Variants in ALG12 observed in about 807,000 individuals in gnomAD.
ALG12 encodes ALG12 alpha-1,6-mannosyltransferase.
In ALG12, 36 loss-of-function variants were observed where a neutral mutation model predicts 46.0. That is an observed-to-expected ratio of 0.78 (90% CI 0.60 to 1.03). The LOEUF (loss-of-function observed/expected upper bound fraction) is 1.03. Ranked by LOEUF, ALG12 falls within the 50% of genes least tolerant of loss-of-function variation. ALG12 has a pLI of 0.00. For synonymous variants in ALG12, 326 were observed against 291.6 expected (o/e 1.12, Z -1.20); for missense variants, 599 against 633.5 (o/e 0.95, Z 0.58).
chr22:49,895,031 G>A, the ALG12 span, among the ~76,000 whole-genome samples: 7 of 152,200 alleles, frequency 4.6e-5, 1 homozygote, highest in South Asian at 1.0e-3. Flanking sequence ...ATTGCCGCTG[G>A]GGGCAGACAG....
rs2060593109 is a variant in ALG12, at chr22:49,913,592, G to A, written c.162+12C>T. ...CATGAGGTTTTCCCCAAAGACAGCA[G>A]GGGCCCCTCACCTGCTCCAGGTCTT... On this transcript the variant is annotated intron_variant, in intron 2 of 9. Coordinates refer to ENST00000330817, the MANE Select transcript of ALG12 (RefSeq NM_024105.4). 1.9e-6 allele frequency: 3 copies of A among 1,613,950 alleles called. No individual in the cohort carries two copies. In the Admixed American group the frequency reaches 5.0e-5, roughly 27 times the overall value.
the ALG12 span, among the ~76,000 whole-genome samples, chr22:49,879,075 G>A: frequency 6.6e-6 from 1 of 150,792 alleles, no homozygotes; most frequent in African/African-American, 2.4e-5. Context: ...AACTGGGGAG[G>A]TGGAGGTTGC....
rs367831183 is a variant in ALG12 at position 49,906,816 on chromosome 22, C to T, written c.992+905G>A. Among the ~76,000 whole-genome samples, 16 of 152,226 alleles carry T rather than the reference C, an allele frequency of 1.1e-4. No homozygotes were observed. The South Asian group carries it at 3.3e-3, about 32-fold the overall frequency. ...GGGTTCTTCCGCAGCACCCACAGGG[C>T]CAGCAGTGATGGACTCTCCTGGGCC... On this transcript the variant is annotated intron_variant, in intron 7 of 9. Transcript: ENST00000330817. This position sits in a 1 kb window ranked among gnomAD's most constrained non-coding sequence, Gnocchi z 4.4.
chr22:49,902,617 CTGTG>C lies in ALG12; in HGVS notation c.*1217_*1220del, dbSNP rs1252021868. On this transcript the variant is annotated 3_prime_UTR_variant, in exon 10 of 10. Transcript: ENST00000330817. ...TATGCATGGTGTGTGCACGTGTGCA[CTGTG>C]TATGCATGGTAATGTGCACGTGTGC... 1 of 127,752 alleles carries C rather than the reference CTGTG, an allele frequency of 7.8e-6. No homozygotes were observed. Among genetic ancestry groups the C allele is most frequent in the Non-Finnish European group, 1.6e-5 (1 of 62,986 alleles). The allele number at this position is 127,752 out of a possible 1,614,324, so 7.9% of individuals were successfully genotyped here. A position where few individuals can be genotyped will look rare whatever the true frequency, so the allele number is the denominator to read the frequency against.
the ALG12 span, chr22:49,886,237 C>A: frequency 2.1e-6 from 2 of 959,422 alleles, no homozygotes; most frequent in Non-Finnish European, 3.3e-6. The surrounding 1 kb of genome is among the most constrained non-coding windows in gnomAD (Gnocchi z 7.7). Flanking sequence ...GATCTGCGAG[C>A]GGGTGCACCG....
the ALG12 span, among the ~76,000 whole-genome samples, chr22:49,879,282 G>A: frequency 6.6e-6 from 1 of 151,114 alleles, no homozygotes; most frequent in Non-Finnish European, 1.5e-5. Context: ...GCGCCACCAC[G>A]CCGCGCTAAT....
the ALG12 span, chr22:49,887,786 A>C: frequency 6.0e-6 from 1 of 167,250 alleles, no homozygotes; most frequent in African/African-American, 2.4e-5. Flanking sequence ...CATGGAGCTT[A>C]TTTTGAGAAC....
In ALG12 at chr22:49,902,530, ATG is replaced by A. The variant is rs1490370943; in HGVS notation, c.*1306_*1307del. ...ACATGTGCACTGTGTATGCATGGTA[ATG>A]TGCACGCGTGCACTGTGTGTATGCA... On this transcript the variant is annotated 3_prime_UTR_variant, in exon 10 of 10. Coordinates refer to ENST00000330817, the MANE Select transcript of ALG12 (RefSeq NM_024105.4). The A allele has an allele frequency of 1.0e-5, 1 of 99,780 alleles. No homozygotes were observed. The highest frequency in any genetic ancestry group is 1.7e-5 in the Non-Finnish European group (1 of 57,204). The allele number at this position is 99,780 out of a possible 1,614,324, so 6.2% of individuals were successfully genotyped here.
the ALG12 span, among the ~76,000 whole-genome samples, chr22:49,873,468 T>C: frequency 6.6e-6 from 1 of 152,116 alleles, no homozygotes; most frequent in Non-Finnish European, 1.5e-5. Flanking sequence ...ATTACGATGG[T>C]AGCATTAGAG....
the ALG12 span, among the ~76,000 whole-genome samples, chr22:49,872,240 A>G: frequency 6.6e-6 from 1 of 152,172 alleles, no homozygotes; most frequent in Admixed American, 6.6e-5. Context: ...AACAGTGTTC[A>G]TAGCATCTCC....
the ALG12 span, among the ~76,000 whole-genome samples, chr22:49,870,272 T>A: frequency 6.6e-6 from 1 of 152,238 alleles, no homozygotes; most frequent in Admixed American, 6.5e-5. Context: ...TTGTAAATAG[T>A]GCTGTGATGA....
At chr22:49,885,059 C>T in the ALG12 span, 1 of 1,612,236 alleles carries the variant, frequency 6.2e-7, no homozygotes, top group East Asian at 2.2e-5. Flanking sequence ...CATCACTTCT[C>T]CCTGGCCCCC....
At position 49,902,733 on chromosome 22, in the gene ALG12, TA is replaced by T. The variant is rs2060519911; in HGVS notation, c.*1104del. 4 of 87,796 alleles carry T rather than the reference TA, an allele frequency of 4.6e-5. No individual in the cohort carries two copies. Among genetic ancestry groups the T allele is most frequent in the Non-Finnish European group, 6.6e-5 (3 of 45,430 alleles). 5.4% of individuals were successfully genotyped at this position (87,796 alleles called of 1,614,324 possible). ...GTGTGCACTGTGTGTGGATGCATGG[TA>T]ATGTGCACGTGTGCACTGTGTGTGG... On this transcript the variant is annotated 3_prime_UTR_variant, in exon 10 of 10. Coordinates refer to ENST00000330817, the MANE Select transcript of ALG12 (RefSeq NM_024105.4).
the ALG12 span, among the ~76,000 whole-genome samples, chr22:49,873,662 A>T: frequency 6.7e-6 from 1 of 150,260 alleles, no homozygotes; most frequent in Non-Finnish European, 1.5e-5. Context: ...GTATCTGCAA[A>T]GAGCAGTAAA....
chr22:49,909,851 A>G, intron 5 of ALG12, 43 bp downstream of exon 5: 4 of 1,613,270 alleles, frequency 2.5e-6, no homozygotes, highest in Non-Finnish European at 3.4e-6. Context: ...AAAACAAGGC[A>G]AAACAAAATC....
Position 49,910,000 on chromosome 22 carries a change from C to T in ALG12, c.558G>A (p.Glu186=). The change falls in exon 5 of 10, where the codon GAG becomes GAA. Residue 186 remains glutamate (E), a synonymous_variant. Coordinates refer to ENST00000330817, the MANE Select transcript of ALG12 (RefSeq NM_024105.4). Reference sequence around the variant, plus strand: ...GCAGGAGGCCCAGGAACAGGCACAGCTCCACCCTGAACACGATGATGGCGA... The same window carrying T: ...GCAGGAGGCCCAGGAACAGGCACAGTTCCACCCTGAACACGATGATGGCGA... ...SAFAIIVFRV[E]LCLFLGLLLL... 1.2e-6 allele frequency: 2 copies of T among 1,613,954 alleles called. No individual in the cohort carries two copies. The highest frequency in any genetic ancestry group is 1.1e-5 in the South Asian group (1 of 91,080).
chr22:49,873,991 A>G, the ALG12 span, among the ~76,000 whole-genome samples: 1 of 152,258 alleles, frequency 6.6e-6, no homozygotes, highest in African/African-American at 2.4e-5. Context: ...GCCGAGAACA[A>G]GAATGAGCTT....
the ALG12 span, among the ~76,000 whole-genome samples, chr22:49,862,405 A>G: frequency 1.3e-5 from 2 of 152,250 alleles, no homozygotes; most frequent in Admixed American, 6.5e-5. Context: ...CGCCCAGCCT[A>G]GTGTAGCTTT....
chr22:49,881,526 A>G, the ALG12 span, among the ~76,000 whole-genome samples: 1 of 152,178 alleles, frequency 6.6e-6, no homozygotes, highest in Admixed American at 6.5e-5. Flanking sequence ...GCTGAGATAC[A>G]GGCACGCACC....
Sources: gnomAD v4.1 joint callset for allele counts (sites outside exome capture counted in the v4.1 genomes callset) on GRCh38, gnomAD v4.1.1 for gene constraint, Gnocchi (gnomAD v3.1) non-coding constraint, MANE v1.5 for transcripts, NCBI Gene and HGNC (gene_info 2026-07-23, HGNC 2026-07-21) for gene names.